The following CACNA1C variants were observed in gnomAD, a reference collection of about 807,000 sequenced individuals.
CACNA1C encodes voltage-dependent L-type calcium channel subunit alpha-1C.
A neutral mutation model predicts 229.0 loss-of-function variants in CACNA1C; 30 were observed. The observed-to-expected ratio is 0.13, with a 90% confidence interval of 0.10 to 0.18. The LOEUF is 0.18. Ranked by LOEUF, CACNA1C falls within the 10% of genes least tolerant of loss-of-function variation. The pLI is 1.00. For missense variants in CACNA1C, 1,658 were observed against 2,845.0 expected (o/e 0.58, Z 9.49); for synonymous variants, 1,114 against 1,132.5 (o/e 0.98, Z 0.33).
In CACNA1C at chr12:2,067,700, G is replaced by A. The variant is rs377260692; in HGVS notation, c.49+14089G>A. ...TCAGACACCAGGCTTCCCACAGACT[G>A]TCTTGGGCATCAAGGACAAGGAACC... On this transcript the variant is annotated intron_variant, in intron 1 of 46. Coordinates refer to ENST00000399655, the MANE Select transcript of CACNA1C (RefSeq NM_000719.7). The surrounding 1 kb of genome is among the most constrained non-coding windows in gnomAD (Gnocchi z 5.3). 6.6e-6 allele frequency among the ~76,000 whole-genome samples: 1 copy of A among 152,238 alleles called. No homozygotes were observed. Among genetic ancestry groups the A allele is most frequent in the South Asian group, 2.1e-4 (1 of 4,822 alleles).
chr12:2,115,190 A>AC, intron 1 of CACNA1C, 34 bp from the exon 2 acceptor site: 6 of 1,451,332 alleles, frequency 4.1e-6, no homozygotes, highest in Non-Finnish European at 5.5e-6. Flanking sequence ...TTTTCTATCT[A>AC]GTAACTGTTG....
chr12:2,057,408 T>C (rs1029630537), intron 1 of CACNA1C, among the ~76,000 whole-genome samples: 3 of 152,144 alleles, frequency 2.0e-5, no homozygotes, highest in Non-Finnish European at 4.4e-5. Flanking sequence ...CCACAGGGCT[T>C]AGGAGTCAGG....
At chr12:2,192,140 G>A (rs979526808) in intron 3 of CACNA1C, among the ~76,000 whole-genome samples, 7 of 152,072 alleles carry the variant, frequency 4.6e-5, no homozygotes, top group Admixed American at 1.3e-4. Context: ...ACGGTTTTTG[G>A]TTCAGCCTGC....
intron 3 of CACNA1C, among the ~76,000 whole-genome samples, chr12:2,390,744 A>G (rs1201669359): frequency 6.6e-6 from 1 of 152,092 alleles, no homozygotes; most frequent in Non-Finnish European, 1.5e-5. Flanking sequence ...GGTGGGTAAA[A>G]GAGAGAGCAA....
intron 1 of CACNA1C, among the ~76,000 whole-genome samples, chr12:1,995,261 T>A (rs112553696): frequency 0.027 from 4,166 of 152,348 alleles, 96 homozygotes; most frequent in Middle Eastern, 0.054. Flanking sequence ...TCATTAATAC[T>A]TACTAATACA....
rs557031813 is a variant in CACNA1C, at chr12:2,119,650, C to T, written c.372-675C>T. 3.8e-3 allele frequency among the ~76,000 whole-genome samples: 578 copies of T among 152,262 alleles called. 1 individual carries two copies. The highest frequency in any genetic ancestry group is 4.4e-3 in the Non-Finnish European group (300 of 68,024). ...GGAATCAAAGCTTTGCCTGCTGAAG[C>T]GGGACCTCTGCAGACCAGAGGGGTT... On this transcript the variant is annotated intron_variant, in intron 2 of 46. Coordinates refer to ENST00000399655, the MANE Select transcript of CACNA1C (RefSeq NM_000719.7).
intron 11 of CACNA1C, among the ~76,000 whole-genome samples, chr12:2,558,502 C>T (rs1287495370): frequency 6.6e-6 from 1 of 152,216 alleles, no homozygotes; most frequent in Non-Finnish European, 1.5e-5. Flanking sequence ...CTTCCAGGTC[C>T]CTCACACTCC....
chr12:2,403,286 G>A lies in CACNA1C; in HGVS notation c.478-45690G>A, dbSNP rs1292554491. Among the ~76,000 whole-genome samples the A allele has an allele frequency of 6.6e-6, 1 of 152,168 alleles. No homozygotes were observed. Among genetic ancestry groups the A allele is most frequent in the Non-Finnish European group, 1.5e-5 (1 of 68,036 alleles). On this transcript the variant is annotated intron_variant, in intron 3 of 46. Transcript: ENST00000399655. The surrounding 1 kb of genome is among the most constrained non-coding windows in gnomAD (Gnocchi z 4.1). ...CACATCTCCTATGACTGACCTTCTGGTCTTGGCCACACAGCTGACTAGCTG... is the reference window on the plus strand; with the variant it reads ...CACATCTCCTATGACTGACCTTCTGATCTTGGCCACACAGCTGACTAGCTG...
intron 9 of CACNA1C, among the ~76,000 whole-genome samples, chr12:2,530,413 G>A (rs2099838060): frequency 6.6e-6 from 1 of 152,178 alleles, no homozygotes; most frequent in African/African-American, 2.4e-5. Flanking sequence ...CCCTGGTACT[G>A]GTGTTACTGG....
At chr12:2,060,599 A>C (rs1336212863) in intron 1 of CACNA1C, among the ~76,000 whole-genome samples, 1 of 152,204 alleles carries the variant, frequency 6.6e-6, no homozygotes, top group African/African-American at 2.4e-5. Context: ...GTCTAGCTTG[A>C]AGACGGAGGC....
chr12:2,040,671 G>A (rs1186337668), intron 1 of CACNA1C, among the ~76,000 whole-genome samples: 4 of 152,190 alleles, frequency 2.6e-5, no homozygotes, highest in Non-Finnish European at 5.9e-5. Context: ...AAAAGAAAAT[G>A]GTTGGAATTG....
At chr12:2,582,709 G>T in intron 14 of CACNA1C, 113 bp from the exon 15 acceptor site, 2 of 1,181,384 alleles carry the variant, frequency 1.7e-6, no homozygotes, top group Non-Finnish European at 2.4e-6. Flanking sequence ...AGGGAAAGAA[G>T]TGAAAGGGAA....
intron 3 of CACNA1C, among the ~76,000 whole-genome samples, chr12:2,165,447 G>A (rs1229160262): frequency 6.6e-6 from 1 of 152,168 alleles, no homozygotes; most frequent in Non-Finnish European, 1.5e-5. Context: ...TTTGGAGGGT[G>A]GCTCAGTGAT....
At chr12:2,625,130 G>C (rs1417345992) in intron 29 of CACNA1C, among the ~76,000 whole-genome samples, 1 of 151,662 alleles carries the variant, frequency 6.6e-6, no homozygotes, top group African/African-American at 2.4e-5. Context: ...TCAGGGATTT[G>C]CATTTTGTTA....
chr12:2,294,714 T>C (rs1488301899), intron 3 of CACNA1C, among the ~76,000 whole-genome samples: 1 of 152,126 alleles, frequency 6.6e-6, no homozygotes, highest in East Asian at 1.9e-4. Context: ...TTAGTTAATA[T>C]GTAACATGTC....
At chr12:2,277,342 GACAGACAGACAGACAGACAGACACACAC>G (rs2088859086) in intron 3 of CACNA1C, among the ~76,000 whole-genome samples, 1 of 65,534 alleles carries the variant, frequency 1.5e-5, no homozygotes, top group Non-Finnish European at 3.0e-5. Flanking sequence ...TAGACAGACA[GACAGACAGACAGACAGACAGACACACAC>G]ACACACACAC....
At chr12:1,970,955 G>C (rs1733175509) in exon 1 of CACNA1C, 1 of 545,876 alleles carries the variant, frequency 1.8e-6, no homozygotes, top group Admixed American at 4.0e-5. Context: ...GCACTGAAAT[G>C]TTACTGCAGG....
At chr12:2,389,910 A>T (rs1357162691) in intron 3 of CACNA1C, among the ~76,000 whole-genome samples, 2 of 151,864 alleles carry the variant, frequency 1.3e-5, no homozygotes, top group African/African-American at 4.8e-5. Flanking sequence ...CTCCTCTCTT[A>T]CTTCTCATTT....
chr12:2,453,690 C>CA (rs1287837738), intron 4 of CACNA1C, among the ~76,000 whole-genome samples: 1 of 152,136 alleles, frequency 6.6e-6, no homozygotes, highest in Non-Finnish European at 1.5e-5. Flanking sequence ...GAAACCTTCC[C>CA]ACTGTGCCCT....
Sources: allele counts gnomAD v4.1 joint callset (sites outside exome capture counted in the v4.1 genomes callset), GRCh38; gene constraint gnomAD v4.1.1; non-coding constraint Gnocchi (gnomAD v3.1); transcripts MANE v1.5; gene names NCBI Gene and HGNC (gene_info 2026-07-23, HGNC 2026-07-21).